Variants in USP34 observed in about 807,000 individuals in gnomAD.
The protein encoded by USP34 is ubiquitin specific peptidase 34.
A neutral mutation model predicts 460.3 loss-of-function variants in USP34; 70 were observed. The observed-to-expected ratio is 0.15, with a 90% CI of 0.13 to 0.19. The LOEUF (loss-of-function observed/expected upper bound fraction) is 0.19. Ranked by LOEUF, USP34 falls within the 10% of genes least tolerant of loss-of-function variation. The pLI is 1.00. For synonymous variants in USP34, 1,647 were observed against 1,405.3 expected, an observed-to-expected ratio of 1.17 and a Z score of -3.85; for missense variants, 3,985 against 4,236.2, an observed-to-expected ratio of 0.94 and a Z score of 1.65.
At position 61,317,277 on chromosome 2, in the gene USP34, A is replaced by G. The variant is rs1411103603; in HGVS notation, c.3282+377T>C. Reference sequence around the variant, plus strand: ...CACGTTGGCTCATGCCTGTAATCCCAGCACTTTGGGAGGCCAAGGCAGGCA... The same window carrying G: ...CACGTTGGCTCATGCCTGTAATCCCGGCACTTTGGGAGGCCAAGGCAGGCA... On this transcript the variant is annotated intron_variant, in intron 23 of 79. Coordinates refer to ENST00000398571, the MANE Select transcript of USP34 (RefSeq NM_014709.4). Among the ~76,000 whole-genome samples the G allele has an allele frequency of 2.0e-5, 3 of 152,250 alleles. No homozygotes were observed. The East Asian group carries it at 5.8e-4, about 29-fold the overall frequency.
intron 10 of USP34, among the ~76,000 whole-genome samples, chr2:61,365,944 C>CCATTTATTTATT (rs139180955): frequency 6.7e-6 from 1 of 150,186 alleles, no homozygotes; most frequent in African/African-American, 2.4e-5. Flanking sequence ...CTGGGAACAC[C>CCATTTATTTATT]TATTTATTTA....
chr2:61,318,086 G>A (rs1020744808), intron 22 of USP34, among the ~76,000 whole-genome samples: 3 of 151,286 alleles, frequency 2.0e-5, no homozygotes, highest in Admixed American at 1.3e-4. Flanking sequence ...CCAACTACTC[G>A]GGAGGCTGTA....
At chr2:61,449,418 G>C (rs1449622682) in intron 1 of USP34, among the ~76,000 whole-genome samples, 1 of 150,866 alleles carries the variant, frequency 6.6e-6, no homozygotes, top group Non-Finnish European at 1.5e-5. Flanking sequence ...ATCTCTACCA[G>C]AATTCCAGCT....
At chr2:61,450,099 A>AC (rs1370765009) in intron 1 of USP34, among the ~76,000 whole-genome samples, 2 of 86,308 alleles carry the variant, frequency 2.3e-5, no homozygotes, top group African/African-American at 1.0e-4. Context: ...AAAGTCTTAA[A>AC]CAAAAAAAAA....
Position 61,188,361 on chromosome 2 carries a change from A to C in USP34, c.10382T>G (p.Leu3461Arg), listed in dbSNP as rs763250723. ...AGGGAACTCAGATTCTTCCTCAGCT[A>C]GGGTAGAATCCTTGGAACAGTGGAG... is the stretch of plus-strand genomic sequence containing the variant. ...KDLHCSKDST[L>R]AEEESEFPST... Residue 3461 changes from leucine (L) to arginine (R), a missense_variant, in exon 80 of 80, where the codon CTA becomes CGA. Coordinates refer to ENST00000398571, the MANE Select transcript of USP34 (RefSeq NM_014709.4). 6.2e-7 allele frequency: 1 copy of C among 1,613,824 alleles called. No homozygotes were observed.
intron 1 of USP34, among the ~76,000 whole-genome samples, chr2:61,436,632 T>A (rs1040304782): frequency 5.3e-5 from 8 of 152,188 alleles, no homozygotes; most frequent in African/African-American, 1.9e-4. Context: ...GGACAGATCA[T>A]CTAGACAGAA....
intron 10 of USP34, among the ~76,000 whole-genome samples, chr2:61,362,133 A>G (rs892972942): frequency 6.6e-6 from 1 of 152,216 alleles, no homozygotes; most frequent in Non-Finnish European, 1.5e-5. Flanking sequence ...CGTTGTAACA[A>G]CTATTATCAA....
chr2:61,352,866 G>A (rs568682441), intron 10 of USP34, among the ~76,000 whole-genome samples: 21 of 152,034 alleles, frequency 1.4e-4, no homozygotes, highest in African/African-American at 4.1e-4. Flanking sequence ...AAACAAAGAC[G>A]ATGAAGACGA....
intron 1 of USP34, among the ~76,000 whole-genome samples, chr2:61,427,944 C>G (rs1403467009): frequency 6.6e-6 from 1 of 151,974 alleles, no homozygotes; most frequent in Non-Finnish European, 1.5e-5. Context: ...AGGCAGATCA[C>G]CTGAAGTCAG....
rs759100451 is a variant in USP34 at position 61,208,974 on chromosome 2, G to A, written c.8844C>T (p.Ala2948=). 31 of 1,569,938 alleles carry A rather than the reference G, an allele frequency of 2.0e-5. No homozygotes were observed. Among genetic ancestry groups the A allele is most frequent in the Non-Finnish European group, 2.5e-5 (29 of 1,158,148 alleles). ...GRSCWTTLIS[A]FRILLESDED... ...CATCAGATTCTAATAGTATTCTGAA[G>A]GCACTAGAAGAAAACATAAAGTTCA... is the stretch of plus-strand genomic sequence containing the variant. Residue 2948 remains alanine, a synonymous_variant, in exon 70 of 80, where the codon GCC becomes GCT. Transcript: ENST00000398571.
chr2:61,436,404 T>C (rs1368826210), intron 1 of USP34, among the ~76,000 whole-genome samples: 1 of 152,096 alleles, frequency 6.6e-6, no homozygotes, highest in Non-Finnish European at 1.5e-5. Flanking sequence ...TGAGCTGGGG[T>C]AGCTTTACAT....
chr2:61,239,352 AG>A (rs1369040928), intron 53 of USP34, among the ~76,000 whole-genome samples: 2 of 146,966 alleles, frequency 1.4e-5, no homozygotes, highest in East Asian at 2.0e-4. Flanking sequence ...ACACACACAC[AG>A]AAGTTTGAGA....
chr2:61,401,822 T>C (rs1693730210), intron 3 of USP34, among the ~76,000 whole-genome samples: 1 of 150,952 alleles, frequency 6.6e-6, no homozygotes. Flanking sequence ...CCTCCAAAAG[T>C]GCTGGGATTA....
Position 61,297,779 on chromosome 2 carries a change from G to A in USP34, c.4129-854C>T, listed in dbSNP as rs184317597. 9.5e-3 allele frequency among the ~76,000 whole-genome samples: 1,440 copies of A among 152,146 alleles called. 18 individuals carry two copies. The highest frequency in any genetic ancestry group is 0.01 in the Non-Finnish European group (695 of 67,992). ...TTTTTTGAGATGGAGTTTCGCTCTT[G>A]TAGCCCAGGCTGGAGTGCAATGGCA... On this transcript the variant is annotated intron_variant, in intron 29 of 79. Coordinates refer to ENST00000398571, the MANE Select transcript of USP34 (RefSeq NM_014709.4).
In USP34 at chr2:61,228,963, A is replaced by T; in HGVS notation, c.7232T>A (p.Ile2411Asn). ...SDDMDTSVED[I>N]GGRSCVTRFV... is the part of the protein sequence containing the mutation. ...GCGAGTGACACATGAACGACCACCA[A>T]TATCTTCTACTGAGGTATCCATATC... Residue 2411 changes from isoleucine (I) to asparagine (N), a missense_variant, in exon 60 of 80, where the codon ATT becomes AAT. Ile to Asn is a moderately radical substitution (Grantham distance 149, BLOSUM62 -3). Transcript: ENST00000398571. The T allele has an allele frequency of 6.2e-7, 1 of 1,604,988 alleles. No homozygotes were observed. Among genetic ancestry groups the T allele is most frequent in the Non-Finnish European group, 8.5e-7 (1 of 1,175,902 alleles).
chr2:61,447,755 G>C (rs1002434452), intron 1 of USP34, among the ~76,000 whole-genome samples: 1 of 151,882 alleles, frequency 6.6e-6, no homozygotes, highest in Non-Finnish European at 1.5e-5. Context: ...TCACTCTGTC[G>C]CCTAGGCTGG....
chr2:61,441,957 C>G (rs1245640856), intron 1 of USP34, among the ~76,000 whole-genome samples: 2 of 151,894 alleles, frequency 1.3e-5, no homozygotes, highest in Non-Finnish European at 2.9e-5. Context: ...ACAGAGTGCC[C>G]AGAAGTTAAT....
intron 2 of USP34, among the ~76,000 whole-genome samples, chr2:61,408,576 T>C (rs1693948550): frequency 6.6e-6 from 1 of 152,128 alleles, no homozygotes; most frequent in Non-Finnish European, 1.5e-5. Flanking sequence ...CTTTTTCCTT[T>C]GATGTTTAGG....
At position 61,311,875 on chromosome 2, in the gene USP34, C is replaced by G. The variant is rs1377737267; in HGVS notation, c.3578G>C (p.Gly1193Ala). 6.2e-7 allele frequency: 1 copy of G among 1,613,822 alleles called. No individual in the cohort carries two copies. Among genetic ancestry groups the G allele is most frequent in the Non-Finnish European group, 8.5e-7 (1 of 1,179,896 alleles). ...AYHLRQWQIEGTGISSHLKAL... is the reference protein window; with the variant it reads ...AYHLRQWQIEATGISSHLKAL... ...TTTCAAATGACTACTAATACCAGTG[C>G]CTTCAATTTGCCACTGTCTCAGATG... Residue 1193 changes from glycine (G) to alanine (A), a missense_variant, in exon 26 of 80, where the codon GGC (glycine) becomes GCC (alanine). Physicochemically the swap from Gly to Ala is moderately conservative, Grantham distance 60. Coordinates refer to ENST00000398571, the MANE Select transcript of USP34 (RefSeq NM_014709.4).
Sources: gnomAD v4.1 joint callset for allele counts (sites outside exome capture counted in the v4.1 genomes callset) on GRCh38, gnomAD v4.1.1 for gene constraint, MANE v1.5 for transcripts, NCBI Gene and HGNC (gene_info 2026-07-23, HGNC 2026-07-21) for gene names.